The following TMEM178B variants were observed in gnomAD, a reference collection of about 807,000 sequenced individuals.
TMEM178B encodes the protein transmembrane protein 178B.
In TMEM178B, 5 loss-of-function variants were observed where a neutral mutation model predicts 31.0. That is an observed-to-expected ratio of 0.16 (90% CI 0.08 to 0.34). The LOEUF is 0.34. Among genes scored for constraint, TMEM178B ranks in the 10% least tolerant of loss-of-function variants. The pLI, the probability that TMEM178B is intolerant of heterozygous loss-of-function variation, is 1.00. For synonymous variants in TMEM178B, 164 were observed against 164.0 expected (o/e 1.00, Z 0.00); for missense variants, 275 against 400.3 (o/e 0.69, Z 2.67).
intron 1 of TMEM178B, among the ~76,000 whole-genome samples, chr7:141,174,476 C>G (rs1243271374): frequency 6.6e-6 from 1 of 152,140 alleles, no homozygotes; most frequent in Non-Finnish European, 1.5e-5. Flanking sequence ...GGTATATACC[C>G]AGTAATGGGA....
At chr7:141,212,875 T>G (rs1441284418) in intron 2 of TMEM178B, 171 bp downstream of exon 2, 2 of 543,238 alleles carry the variant, frequency 3.7e-6, no homozygotes, top group South Asian at 6.4e-5. Context: ...TGGTTTTGAT[T>G]GCATTATAAA....
intron 1 of TMEM178B, among the ~76,000 whole-genome samples, chr7:141,138,999 A>T (rs1332591754): frequency 6.6e-6 from 1 of 152,014 alleles, no homozygotes; most frequent in Non-Finnish European, 1.5e-5. Context: ...AAAAAAGAAA[A>T]AAAAAGTGGT....
intron 1 of TMEM178B, among the ~76,000 whole-genome samples, chr7:141,165,012 T>C (rs533388020): frequency 6.6e-6 from 1 of 152,216 alleles, no homozygotes; most frequent in Non-Finnish European, 1.5e-5. Context: ...TTTAGATTAA[T>C]AGAAAATTTA....
chr7:141,144,139 C>T (rs983175320), intron 1 of TMEM178B, among the ~76,000 whole-genome samples: 6 of 152,216 alleles, frequency 3.9e-5, no homozygotes, highest in African/African-American at 1.4e-4. Context: ...TTAGGATTTT[C>T]TAGGTATAGA....
intron 1 of TMEM178B, among the ~76,000 whole-genome samples, chr7:141,210,970 G>A (rs181320512): frequency 4.4e-4 from 67 of 152,276 alleles, no homozygotes; most frequent in African/African-American, 1.6e-3. Flanking sequence ...AATGACTGCA[G>A]GATTTATGAT....
chr7:141,504,052 AG>A, the TMEM178B span, among the ~76,000 whole-genome samples: 2 of 152,230 alleles, frequency 1.3e-5, no homozygotes, highest in Non-Finnish European at 2.9e-5. Flanking sequence ...AAGACCTTAT[AG>A]GTCATTGACT....
At chr7:141,183,388 G>A (rs1796560960) in intron 1 of TMEM178B, among the ~76,000 whole-genome samples, 1 of 152,130 alleles carries the variant, frequency 6.6e-6, no homozygotes, top group East Asian at 1.9e-4. Context: ...AAAAATTAGT[G>A]CCCTCTTAAG....
intron 3 of TMEM178B, among the ~76,000 whole-genome samples, chr7:141,457,676 C>T (rs1178769136): frequency 6.6e-6 from 1 of 152,208 alleles, no homozygotes; most frequent in African/African-American, 2.4e-5. Context: ...CTCTATATTC[C>T]AGAGAAGCCA....
chr7:141,185,139 T>C (rs1796588650), intron 1 of TMEM178B, among the ~76,000 whole-genome samples: 1 of 152,108 alleles, frequency 6.6e-6, no homozygotes, highest in Admixed American at 6.5e-5. Flanking sequence ...CCCACGGCAG[T>C]ATCTAGGGGT....
chr7:141,419,274 C>T (rs768623357), intron 2 of TMEM178B, among the ~76,000 whole-genome samples: 1 of 152,174 alleles, frequency 6.6e-6, no homozygotes, highest in Admixed American at 6.5e-5. Flanking sequence ...AAAAGAAAGG[C>T]AACACTCTAG....
intron 1 of TMEM178B, among the ~76,000 whole-genome samples, chr7:141,133,095 T>G (rs1018001255): frequency 6.6e-6 from 1 of 151,942 alleles, no homozygotes; most frequent in East Asian, 1.9e-4. Flanking sequence ...TCTTTCCCTA[T>G]GAAAGCCAAT....
Position 141,129,152 on chromosome 7 carries a change from A to T in TMEM178B, c.382+54460A>T, listed in dbSNP as rs146225313. 5.0e-3 allele frequency among the ~76,000 whole-genome samples: 759 copies of T among 152,238 alleles called. 10 individuals carry two copies. Among genetic ancestry groups the T allele is most frequent in the African/African-American group, 0.018 (731 of 41,532 alleles). ...CCTTGAGGGTACGGATTGTGTTGTG[A>T]TGTTCATTCGTGTGTCCTGGGGAGC... On this transcript the variant is annotated intron_variant, in intron 1 of 3. Transcript: ENST00000565468.
chr7:141,422,885 C>T lies in TMEM178B; in HGVS notation c.497-14723C>T, dbSNP rs930504737. Among the ~76,000 whole-genome samples, 25 of 150,434 alleles carry T rather than the reference C, an allele frequency of 1.7e-4. 1 individual carries two copies. Among genetic ancestry groups the T allele is most frequent in the Non-Finnish European group, 3.3e-4 (22 of 67,468 alleles). On this transcript the variant is annotated intron_variant, in intron 2 of 3. Coordinates refer to ENST00000565468, the MANE Select transcript of TMEM178B (RefSeq NM_001195278.2). The surrounding 1 kb of genome is among the most constrained non-coding windows in gnomAD (Gnocchi z 4.2). The stretch of plus-strand genomic sequence containing the variant: ...AGCACTATGAGTTGCAGAACTAGAT[C>T]GGGGCACTTTGTAGCAAGCTCTACA...
At chr7:141,452,699 G>A (rs891583780) in intron 3 of TMEM178B, among the ~76,000 whole-genome samples, 7 of 152,086 alleles carry the variant, frequency 4.6e-5, no homozygotes, top group African/African-American at 1.4e-4. Context: ...TGCTTACCCT[G>A]TAGGGTTGTT....
chr7:141,264,938 G>C (rs1195919697), intron 2 of TMEM178B, among the ~76,000 whole-genome samples: 1 of 152,204 alleles, frequency 6.6e-6, no homozygotes, highest in Admixed American at 6.5e-5. Context: ...GCCAAGCACT[G>C]TTACATTATT....
chr7:141,284,425 A>C (rs1032531811), intron 2 of TMEM178B, among the ~76,000 whole-genome samples: 1 of 152,204 alleles, frequency 6.6e-6, no homozygotes, highest in Admixed American at 6.5e-5. Flanking sequence ...GTTATCTGGA[A>C]TATGGTTTAC....
intron 1 of TMEM178B, among the ~76,000 whole-genome samples, chr7:141,164,932 G>A (rs1470477400): frequency 6.6e-6 from 1 of 152,064 alleles, no homozygotes; most frequent in African/African-American, 2.4e-5. Context: ...TAACAGGTAA[G>A]CAATAGGAAG....
At chr7:141,185,630 G>A (rs1796598231) in intron 1 of TMEM178B, among the ~76,000 whole-genome samples, 1 of 152,112 alleles carries the variant, frequency 6.6e-6, no homozygotes, top group Non-Finnish European at 1.5e-5. Context: ...ACGTCCAGCT[G>A]CTTGTGTGTC....
intron 2 of TMEM178B, among the ~76,000 whole-genome samples, chr7:141,394,500 A>G (rs28405815): frequency 0.13 from 19,249 of 152,284 alleles, 1,414 homozygotes; most frequent in Non-Finnish European, 0.17. Flanking sequence ...TTCCTGATCT[A>G]TAGGATTGGG....
Sources: gnomAD v4.1 joint callset for allele counts (sites outside exome capture counted in the v4.1 genomes callset) on GRCh38, gnomAD v4.1.1 for gene constraint, Gnocchi (gnomAD v3.1) non-coding constraint, MANE v1.5 for transcripts, NCBI Gene and HGNC (gene_info 2026-07-23, HGNC 2026-07-21) for gene names.